CSMD1: variants seen among roughly 807,000 people sequenced by gnomAD.
CSMD1 encodes the protein CUB and sushi domain-containing protein 1.
Under a neutral mutation model 417.5 loss-of-function variants are expected in CSMD1, and 213 were observed. The ratio of observed to expected loss-of-function variants is 0.51; its 90% confidence interval spans 0.46 to 0.57. The LOEUF (loss-of-function observed/expected upper bound fraction) is 0.57, where lower values mean the gene tolerates loss of function less well. Ranked by LOEUF, CSMD1 falls within the 20% of genes least tolerant of loss-of-function variation. CSMD1 has a pLI of 0.00. For synonymous variants in CSMD1, 2,862 were observed against 1,736.8 expected, an observed-to-expected ratio of 1.65 and a Z score of -16.11; for missense variants, 6,923 against 4,529.7, an observed-to-expected ratio of 1.53 and a Z score of -15.17.
chr8:3,154,796 C>G (rs1819415686), intron 39 of CSMD1, among the ~76,000 whole-genome samples: 1 of 152,022 alleles, frequency 6.6e-6, no homozygotes, highest in South Asian at 2.1e-4. Flanking sequence ...TATATACATT[C>G]TCTTCATTAG....
At chr8:3,034,745 G>C (rs1295746647) in intron 50 of CSMD1, among the ~76,000 whole-genome samples, 1 of 152,122 alleles carries the variant, frequency 6.6e-6, no homozygotes, top group Admixed American at 6.5e-5. Context: ...AAAGTGAAAA[G>C]AGAGTAAAAA....
At chr8:4,306,080 A>T (rs17335232) in intron 3 of CSMD1, among the ~76,000 whole-genome samples, 114,989 of 152,130 alleles carry the variant, frequency 0.76, 43,578 homozygotes, top group East Asian at 0.85. Context: ...TGATTGTGAG[A>T]AATGTTATAA....
chr8:3,448,064 C>G (rs1233445394), intron 12 of CSMD1, among the ~76,000 whole-genome samples: 3 of 151,618 alleles, frequency 2.0e-5, no homozygotes, highest in Non-Finnish European at 2.9e-5. Context: ...CACAGGATTT[C>G]TAATAACAGA....
chr8:2,996,054 G>C (rs963657781), intron 54 of CSMD1, among the ~76,000 whole-genome samples: 17 of 151,988 alleles, frequency 1.1e-4, no homozygotes, highest in Non-Finnish European at 1.9e-4. Context: ...AGTGGGTAGG[G>C]GACAAAAAGG....
chr8:3,631,555 A>G (rs1796785026), intron 7 of CSMD1, among the ~76,000 whole-genome samples: 1 of 152,256 alleles, frequency 6.6e-6, no homozygotes, highest in African/African-American at 2.4e-5. Context: ...AAAGGTTTGC[A>G]AACAGTTTGA....
intron 2 of CSMD1, among the ~76,000 whole-genome samples, chr8:4,558,016 ACAGAC>A (rs1160120939): frequency 6.6e-6 from 1 of 152,210 alleles, no homozygotes; most frequent in Non-Finnish European, 1.5e-5. Context: ...GACCCAAAAT[ACAGAC>A]CACTGAGCTA....
intron 7 of CSMD1, among the ~76,000 whole-genome samples, chr8:3,671,178 T>C (rs1185900824): frequency 6.8e-6 from 1 of 148,068 alleles, no homozygotes; most frequent in African/African-American, 2.5e-5. Flanking sequence ...GATATATATG[T>C]ATATGGTATA....
chr8:3,204,843 C>T (rs915053428), intron 31 of CSMD1, among the ~76,000 whole-genome samples: 9 of 152,286 alleles, frequency 5.9e-5, no homozygotes, highest in Non-Finnish European at 7.3e-5. Context: ...ATCTGGTTTA[C>T]TCCAGAAAAG....
chr8:4,679,859 T>A (rs939601936), intron 1 of CSMD1, among the ~76,000 whole-genome samples: 2 of 152,150 alleles, frequency 1.3e-5, no homozygotes, highest in African/African-American at 4.8e-5. Context: ...GTAAAATATA[T>A]ACAATGCATA....
intron 1 of CSMD1, among the ~76,000 whole-genome samples, chr8:4,687,298 G>T (rs1193547004): frequency 6.6e-6 from 1 of 152,200 alleles, no homozygotes; most frequent in Non-Finnish European, 1.5e-5. Context: ...TGAGGACAGA[G>T]GATGATGTGT....
At position 3,095,491 on chromosome 8, in the gene CSMD1, G is replaced by T. The variant is rs958226695; in HGVS notation, c.7138+1358C>A. The stretch of plus-strand genomic sequence containing the variant: ...CTGAAAATGAAAATATTGCTCTCCA[G>T]TCCTCTGCTTCTATATACAAAAATG... On this transcript the variant is annotated intron_variant, in intron 47 of 69. Coordinates refer to ENST00000635120, the MANE Select transcript of CSMD1 (RefSeq NM_033225.6). Among the ~76,000 whole-genome samples the T allele has an allele frequency of 2.6e-5, 4 of 152,132 alleles. No homozygotes were observed. In the East Asian group the frequency reaches 7.8e-4, roughly 29 times the overall value.
intron 5 of CSMD1, among the ~76,000 whole-genome samples, chr8:3,995,596 G>A (rs2130319513): frequency 6.6e-6 from 1 of 152,300 alleles, no homozygotes; most frequent in South Asian, 2.1e-4. Flanking sequence ...TTGAACCTGA[G>A]CTCTGCCAAG....
At chr8:4,101,772 C>T (rs1801316472) in intron 3 of CSMD1, among the ~76,000 whole-genome samples, 1 of 152,176 alleles carries the variant, frequency 6.6e-6, no homozygotes, top group African/African-American at 2.4e-5. Flanking sequence ...CTTAGGACAG[C>T]AAATGCTGGG....
chr8:3,714,089 C>G (rs1801684648), intron 6 of CSMD1, among the ~76,000 whole-genome samples: 1 of 150,220 alleles, frequency 6.7e-6, no homozygotes, highest in South Asian at 2.1e-4. Context: ...TGTATATAAT[C>G]ATGTATATAT....
At chr8:4,278,123 C>A (rs773598109) in intron 3 of CSMD1, among the ~76,000 whole-genome samples, 13 of 152,178 alleles carry the variant, frequency 8.5e-5, no homozygotes, top group Non-Finnish European at 1.3e-4. Context: ...TCTCCTTATG[C>A]TCATATAACT....
At chr8:4,989,255 T>C (rs1168630370) in intron 1 of CSMD1, among the ~76,000 whole-genome samples, 1 of 151,980 alleles carries the variant, frequency 6.6e-6, no homozygotes, top group African/African-American at 2.4e-5. Context: ...AGGTTGCATA[T>C]CCATGCCAGG....
chr8:4,232,317 G>C lies in CSMD1; in HGVS notation c.415+187636C>G, dbSNP rs373138435. On this transcript the variant is annotated intron_variant, in intron 3 of 69. Transcript: ENST00000635120. ...AGGTTCAAGTAATTCTCCTGTCTCA[G>C]CCTCCCTAGTACCTGGGATTACAGG... 2.6e-5 allele frequency among the ~76,000 whole-genome samples: 4 copies of C among 152,030 alleles called. No individual in the cohort carries two copies. The South Asian group carries it at 6.2e-4, about 24-fold the overall frequency.
intron 6 of CSMD1, among the ~76,000 whole-genome samples, chr8:3,718,423 C>T (rs1801962406): frequency 6.6e-6 from 1 of 152,114 alleles, no homozygotes. Flanking sequence ...TTTCCTTGGT[C>T]AGGAAAATCA....
At chr8:3,295,356 G>T (rs1182389771) in intron 25 of CSMD1, among the ~76,000 whole-genome samples, 1 of 152,014 alleles carries the variant, frequency 6.6e-6, no homozygotes, top group Non-Finnish European at 1.5e-5. Flanking sequence ...TCGATCTCCT[G>T]ACCTTGTGAT....
Sources: allele counts gnomAD v4.1 joint callset (sites outside exome capture counted in the v4.1 genomes callset), GRCh38; gene constraint gnomAD v4.1.1; transcripts MANE v1.5; gene names NCBI Gene and HGNC (gene_info 2026-07-23, HGNC 2026-07-21).